The following KSR2 variants were observed in gnomAD, a reference collection of about 807,000 sequenced individuals.
KSR2 encodes the protein kinase suppressor of ras 2.
In KSR2, 25 loss-of-function variants were observed where a neutral mutation model predicts 107.8. The ratio of observed to expected loss-of-function variants is 0.23; its 90% confidence interval spans 0.17 to 0.32. The LOEUF (loss-of-function observed/expected upper bound fraction) is 0.32, where lower values mean the gene tolerates loss of function less well. Ranked by LOEUF, KSR2 falls within the 10% of genes least tolerant of loss-of-function variation. KSR2 has a pLI of 1.00. For missense variants in KSR2, 887 were observed against 1,268.9 expected (o/e 0.70, Z 4.57); for synonymous variants, 480 against 507.0 (o/e 0.95, Z 0.71).
chr12:117,747,838 T>A (rs1026722556), intron 4 of KSR2, among the ~76,000 whole-genome samples: 3 of 152,172 alleles, frequency 2.0e-5, no homozygotes, highest in African/African-American at 7.2e-5. Context: ...AAGGAACCCT[T>A]GTACACTGTT....
chr12:117,739,999 G>A (rs1371796519), intron 4 of KSR2, among the ~76,000 whole-genome samples: 1 of 151,644 alleles, frequency 6.6e-6, no homozygotes. Flanking sequence ...TTCTTTAGTG[G>A]CGATTTGTGA....
chr12:117,612,789 C>T (rs1881673350), intron 5 of KSR2, among the ~76,000 whole-genome samples: 1 of 152,158 alleles, frequency 6.6e-6, no homozygotes, highest in East Asian at 1.9e-4. Flanking sequence ...AAGGGAGAAA[C>T]ATGTAGGGAG....
Position 117,968,298 on chromosome 12 carries a change from A to ATTTTTTAAT in KSR2, c.-44_-43insATTAAAAAA. On this transcript the variant is annotated 5_prime_UTR_variant, in exon 1 of 20. Coordinates refer to ENST00000339824, the MANE Select transcript of KSR2 (RefSeq NM_173598.6). ...CCTTCCCCTCCTCCTCCTCCCAGAGAGAAAAAAGAGGGGGGGGAGTAGAGG... is the reference window on the plus strand; with the variant it reads ...CCTTCCCCTCCTCCTCCTCCCAGAGATTTTTTAATGAAAAAAGAGGGGGGGGAGTAGAGG... 1 of 1,225,412 alleles carries ATTTTTTAAT rather than the reference A, an allele frequency of 8.2e-7. No homozygotes were observed. Among genetic ancestry groups the ATTTTTTAAT allele is most frequent in the East Asian group, 3.4e-5 (1 of 29,108 alleles). The allele number at this position is 1,225,412 out of a possible 1,614,324, so 75.9% of individuals were successfully genotyped here.
chr12:117,807,604 G>A (rs1891053286), intron 3 of KSR2, among the ~76,000 whole-genome samples: 1 of 152,134 alleles, frequency 6.6e-6, no homozygotes, highest in African/African-American at 2.4e-5. Flanking sequence ...ATCTGATCAA[G>A]GAAATATTTC....
chr12:117,741,320 C>T (rs1448417568), intron 4 of KSR2, among the ~76,000 whole-genome samples: 1 of 149,724 alleles, frequency 6.7e-6, no homozygotes, highest in African/African-American at 2.5e-5. Flanking sequence ...AGTTCAAGAC[C>T]AGCCTGGGCA....
chr12:117,796,196 G>C (rs1890622282), intron 3 of KSR2, among the ~76,000 whole-genome samples: 1 of 152,170 alleles, frequency 6.6e-6, no homozygotes, highest in Non-Finnish European at 1.5e-5. Flanking sequence ...CTTCCAAGGT[G>C]CTGGGATTAA....
rs146444588 is a variant in KSR2 at position 117,540,347 on chromosome 12, C to T, written c.1519-460G>A. Among the ~76,000 whole-genome samples the T allele has an allele frequency of 9.3e-3, 1,421 of 152,212 alleles. 25 individuals are homozygous for T. Among genetic ancestry groups the T allele is most frequent in the African/African-American group, 0.032 (1,335 of 41,514 alleles). On this transcript the variant is annotated intron_variant, in intron 9 of 19. Transcript: ENST00000339824. ...TGGGTCACAGCTGGAACCAGCACTG[C>T]CTCTCCTCACCCCAGACCAGCTCAA...
intron 4 of KSR2, among the ~76,000 whole-genome samples, chr12:117,741,710 T>G (rs1393744901): frequency 1.3e-5 from 2 of 152,116 alleles, no homozygotes; most frequent in African/African-American, 4.8e-5. Context: ...AGAAAAATAG[T>G]GTTACTATTA....
chr12:117,744,034 C>T (rs1450826337), intron 4 of KSR2, among the ~76,000 whole-genome samples: 1 of 152,194 alleles, frequency 6.6e-6, no homozygotes, highest in Admixed American at 6.5e-5. Flanking sequence ...AGCACACAAG[C>T]TCTGCATGCC....
At chr12:117,724,206 G>A (rs1034076276) in intron 4 of KSR2, among the ~76,000 whole-genome samples, 6 of 151,768 alleles carry the variant, frequency 4.0e-5, no homozygotes, top group Admixed American at 2.0e-4. Flanking sequence ...TACTTAGGAG[G>A]CTTACGTGGG....
At chr12:117,867,359 A>G (rs182343407) in intron 1 of KSR2, among the ~76,000 whole-genome samples, 26 of 152,110 alleles carry the variant, frequency 1.7e-4, no homozygotes, top group African/African-American at 6.3e-4. Flanking sequence ...GCAGGACCCC[A>G]AATGTCACCT....
chr12:117,921,815 C>T (rs537261085), intron 1 of KSR2, among the ~76,000 whole-genome samples: 4 of 152,056 alleles, frequency 2.6e-5, no homozygotes, highest in Non-Finnish European at 5.9e-5. Flanking sequence ...TTTTCCATCC[C>T]GGATAATATC....
At chr12:117,760,916 C>T (rs1342418991) in intron 4 of KSR2, 95 bp downstream of exon 4, 2 of 1,502,120 alleles carry the variant, frequency 1.3e-6, no homozygotes, top group Non-Finnish European at 1.8e-6. Flanking sequence ...AAGTCTGTTC[C>T]CGGTTTCCTT....
At chr12:117,671,616 T>C (rs1217696559) in intron 4 of KSR2, among the ~76,000 whole-genome samples, 1 of 152,246 alleles carries the variant, frequency 6.6e-6, no homozygotes, top group Non-Finnish European at 1.5e-5. Flanking sequence ...TGTAGGCTCC[T>C]TGAGGTCAGG....
chr12:117,482,002 G>A lies in KSR2; in HGVS notation c.2450+2414C>T, dbSNP rs567902066. ...ACTGGTGGTATTCATAAATATTGAG[G>A]TAAATCTACAACCTGGGAAAGGTCC... is the stretch of plus-strand genomic sequence containing the variant. On this transcript the variant is annotated intron_variant, in intron 16 of 19. Transcript: ENST00000339824. Among the ~76,000 whole-genome samples, 3 of 152,248 alleles carry A rather than the reference G, an allele frequency of 2.0e-5. No homozygotes were observed. The East Asian group carries it at 5.8e-4, about 29-fold the overall frequency.
At position 117,554,949 on chromosome 12, in the gene KSR2, C is replaced by T. The variant is rs1976418; in HGVS notation, c.1518+220G>A. Among the ~76,000 whole-genome samples, 24,366 of 152,134 alleles carry T rather than the reference C, an allele frequency of 0.16. 2,074 individuals carry two copies. The highest frequency in any genetic ancestry group is 0.21 in the East Asian group (1,064 of 5,168). On this transcript the variant is annotated intron_variant, in intron 9 of 19. Transcript: ENST00000339824. ...TGGACACCCTCATCCATTCTCATTCCGACATGCCCTCTTTCTAAATAAGAT... is the reference window on the plus strand; with the variant it reads ...TGGACACCCTCATCCATTCTCATTCTGACATGCCCTCTTTCTAAATAAGAT...
intron 9 of KSR2, 47 bp downstream of exon 9, chr12:117,555,121 AG>A (rs1877572583): frequency 3.4e-5 from 55 of 1,612,264 alleles, no homozygotes; most frequent in Non-Finnish European, 4.7e-5. Flanking sequence ...CCCCTCACCC[AG>A]CAGTGCCAGC....
intron 4 of KSR2, among the ~76,000 whole-genome samples, chr12:117,709,549 C>G (rs1886669046): frequency 6.6e-6 from 1 of 152,158 alleles, no homozygotes; most frequent in South Asian, 2.1e-4. Context: ...CTCAGAAGGC[C>G]TCACGGGATC....
intron 4 of KSR2, among the ~76,000 whole-genome samples, chr12:117,683,865 T>C (rs1331755728): frequency 3.3e-5 from 5 of 152,230 alleles, no homozygotes; most frequent in African/African-American, 1.2e-4. Context: ...ACTTGCTCTC[T>C]ACTAAAACTC....
Sources: gnomAD v4.1 joint callset for allele counts (sites outside exome capture counted in the v4.1 genomes callset) on GRCh38, gnomAD v4.1.1 for gene constraint, MANE v1.5 for transcripts, NCBI Gene and HGNC (gene_info 2026-07-23, HGNC 2026-07-21) for gene names.